The following MSRA variants were observed in gnomAD, a reference collection of about 807,000 sequenced individuals.
The protein encoded by MSRA is mitochondrial peptide methionine sulfoxide reductase.
A neutral mutation model predicts 31.3 loss-of-function variants in MSRA; 54 were observed. The observed-to-expected ratio is 1.73, with a 90% CI of 1.39 to 2.17. MSRA has a LOEUF of 2.17. Ranked by LOEUF, MSRA falls within the 30% of genes most tolerant of loss-of-function variation. The pLI is 0.00. For synonymous variants in MSRA, 169 were observed against 116.5 expected (o/e 1.45, Z -2.90); for missense variants, 507 against 300.9 (o/e 1.69, Z -5.07).
intron 2 of MSRA, among the ~76,000 whole-genome samples, chr8:10,242,069 C>G (rs542399313): frequency 6.6e-6 from 1 of 152,126 alleles, no homozygotes; most frequent in Non-Finnish European, 1.5e-5. Context: ...GTCAGGAGTT[C>G]GAGACCAGCC....
At position 10,367,530 on chromosome 8, in the gene MSRA, C is replaced by T. The variant is rs1039410259; in HGVS notation, c.543+47541C>T. 3.9e-5 allele frequency among the ~76,000 whole-genome samples: 6 copies of T among 152,310 alleles called. 1 individual carries two copies. Among genetic ancestry groups the T allele is most frequent in the African/African-American group, 1.4e-4 (6 of 41,566 alleles). ...AGGTTATGGAGAACATCCTCGTGTG[C>T]TAGTCACTGTACAAGGCATGCACTG... is the stretch of plus-strand genomic sequence containing the variant. On this transcript the variant is annotated intron_variant, in intron 5 of 5. Transcript: ENST00000317173.
chr8:10,403,266 G>A (rs1262046975), intron 5 of MSRA, among the ~76,000 whole-genome samples: 1 of 152,240 alleles, frequency 6.6e-6, no homozygotes, highest in Non-Finnish European at 1.5e-5. Context: ...GGCTTCAGAA[G>A]CAAGGTGCCT....
At chr8:10,273,770 T>A (rs1187516797) in intron 3 of MSRA, among the ~76,000 whole-genome samples, 1 of 152,140 alleles carries the variant, frequency 6.6e-6, no homozygotes, top group African/African-American at 2.4e-5. Context: ...AATACACTGT[T>A]AGGGCTACTT....
intron 5 of MSRA, among the ~76,000 whole-genome samples, chr8:10,423,517 G>A (rs578097239): frequency 1.3e-5 from 2 of 152,152 alleles, no homozygotes; most frequent in African/African-American, 4.8e-5. Flanking sequence ...GGGGCGGGGA[G>A]GGGGGGTGGC....
At chr8:10,071,813 C>T (rs1298498618) in intron 1 of MSRA, among the ~76,000 whole-genome samples, 1 of 152,116 alleles carries the variant, frequency 6.6e-6, no homozygotes, top group Non-Finnish European at 1.5e-5. Flanking sequence ...TTATGCCAAC[C>T]ATCAGGAATA....
At chr8:10,365,772 C>T (rs1805126559) in intron 5 of MSRA, among the ~76,000 whole-genome samples, 3 of 152,230 alleles carry the variant, frequency 2.0e-5, no homozygotes, top group Non-Finnish European at 2.9e-5. Flanking sequence ...ATCAGGCCTC[C>T]TGGTGCTCAG....
intron 5 of MSRA, among the ~76,000 whole-genome samples, chr8:10,395,651 A>C (rs1480482062): frequency 1.3e-5 from 2 of 151,646 alleles, no homozygotes; most frequent in East Asian, 3.9e-4. Context: ...TTTTGTCATC[A>C]CTCCTCTGTT....
intron 1 of MSRA, among the ~76,000 whole-genome samples, chr8:10,082,373 G>A (rs952417431): frequency 1.3e-5 from 2 of 152,138 alleles, no homozygotes; most frequent in African/African-American, 4.8e-5. Context: ...GGTTATTCCT[G>A]CTGCCAAGGC....
chr8:10,200,873 C>T (rs1235687813), intron 1 of MSRA, among the ~76,000 whole-genome samples: 1 of 152,138 alleles, frequency 6.6e-6, no homozygotes, highest in Non-Finnish European at 1.5e-5. Context: ...GAGTGACAGC[C>T]ACCTCATCCT....
intron 5 of MSRA, among the ~76,000 whole-genome samples, chr8:10,360,818 T>A (rs969509792): frequency 2.6e-5 from 4 of 152,206 alleles, no homozygotes; most frequent in Admixed American, 6.5e-5. Context: ...GGCTCTCTGC[T>A]GCCTGTGTAT....
intron 1 of MSRA, among the ~76,000 whole-genome samples, chr8:10,136,201 A>C (rs549231940): frequency 1.3e-5 from 2 of 152,308 alleles, no homozygotes; most frequent in South Asian, 4.1e-4. Flanking sequence ...GGCAGAGAGG[A>C]GCTCTGCGGT....
At chr8:10,147,928 C>T (rs538398626) in intron 1 of MSRA, among the ~76,000 whole-genome samples, 3 of 152,294 alleles carry the variant, frequency 2.0e-5, no homozygotes, top group Non-Finnish European at 4.4e-5. Context: ...CTCCAAAGAG[C>T]GGGAAAACGA....
intron 1 of MSRA, among the ~76,000 whole-genome samples, chr8:10,167,595 A>C (rs1272785520): frequency 2.0e-5 from 3 of 152,172 alleles, no homozygotes; most frequent in Non-Finnish European, 4.4e-5. Flanking sequence ...TGCTCTAGTA[A>C]TTCTAGCATG....
At chr8:10,117,136 T>A (rs1430069426) in intron 1 of MSRA, among the ~76,000 whole-genome samples, 2 of 151,950 alleles carry the variant, frequency 1.3e-5, no homozygotes, top group Non-Finnish European at 2.9e-5. Flanking sequence ...TTTCTAGGAG[T>A]CCTCTCCTAA....
chr8:10,123,458 T>G (rs1401300332), intron 1 of MSRA, among the ~76,000 whole-genome samples: 3 of 152,232 alleles, frequency 2.0e-5, no homozygotes, highest in Admixed American at 2.0e-4. Context: ...TTTCTCCCAT[T>G]CTGTAGGTTG....
chr8:10,281,625 C>G (rs1194994839), intron 3 of MSRA, among the ~76,000 whole-genome samples: 5 of 152,216 alleles, frequency 3.3e-5, no homozygotes, highest in Admixed American at 1.3e-4. Context: ...AAGAAATGGT[C>G]TTTCAGAGAC....
At chr8:10,268,199 G>C (rs1030759327) in intron 3 of MSRA, among the ~76,000 whole-genome samples, 7 of 152,198 alleles carry the variant, frequency 4.6e-5, no homozygotes, top group African/African-American at 1.7e-4. Context: ...ATGGACACGT[G>C]TGTGAATAAT....
At chr8:10,300,553 G>T (rs1380510436) in intron 3 of MSRA, among the ~76,000 whole-genome samples, 1 of 152,048 alleles carries the variant, frequency 6.6e-6, no homozygotes, top group African/African-American at 2.4e-5. Context: ...ACCACACCCA[G>T]CTAATTTTTT....
At chr8:10,089,063 T>G (rs576733283) in intron 1 of MSRA, among the ~76,000 whole-genome samples, 4 of 152,250 alleles carry the variant, frequency 2.6e-5, no homozygotes, top group Admixed American at 2.6e-4. Context: ...AGAGATCTAA[T>G]GTACATCATG....
Sources: gnomAD v4.1 joint callset for allele counts (sites outside exome capture counted in the v4.1 genomes callset) on GRCh38, gnomAD v4.1.1 for gene constraint, MANE v1.5 for transcripts, NCBI Gene and HGNC (gene_info 2026-07-23, HGNC 2026-07-21) for gene names.